Variants in DHX57 observed in about 807,000 individuals in gnomAD.
DHX57 encodes the protein putative ATP-dependent RNA helicase DHX57.
DHX57 carries 105 observed loss-of-function variants against 156.2 expected under a neutral mutation model. The observed-to-expected ratio is 0.67, with a 90% CI of 0.57 to 0.79. The LOEUF (loss-of-function observed/expected upper bound fraction) is 0.79, where lower values mean the gene tolerates loss of function less well. Among genes scored for constraint, DHX57 ranks in the 30% least tolerant of loss-of-function variants. The pLI is 0.00. For missense variants in DHX57, 1,847 were observed against 1,661.9 expected, an observed-to-expected ratio of 1.11 and a Z score of -1.94; for synonymous variants, 704 against 595.6, an observed-to-expected ratio of 1.18 and a Z score of -2.65.
At position 38,798,035 on chromosome 2, in the gene DHX57, C is replaced by T. The variant is rs1364488523; in HGVS notation, c.*264G>A. 2 of 361,636 alleles carry T rather than the reference C, an allele frequency of 5.5e-6. No individual in the cohort carries two copies. The highest frequency in any genetic ancestry group is 1.0e-5 in the Non-Finnish European group (2 of 191,502). The allele number at this position is 361,636 out of a possible 1,614,324, so 22.4% of individuals were successfully genotyped here. A position where few individuals can be genotyped will look rare whatever the true frequency, so the allele number is the denominator to read the frequency against. ...GTTATCAGGTGAACTTAATTCACTC[C>T]AGAACAATCACAGAGACAAAGACAG... On this transcript the variant is annotated 3_prime_UTR_variant, in exon 24 of 24. Coordinates refer to ENST00000457308, the MANE Select transcript of DHX57 (RefSeq NM_198963.3).
At chr2:38,864,022 A>C (rs3112166) in intron 2 of DHX57, among the ~76,000 whole-genome samples, 48,342 of 150,898 alleles carry the variant, frequency 0.32, 8,343 homozygotes, top group Non-Finnish European at 0.39. Context: ...AAAAAAAAAA[A>C]AACAACAAAA....
chr2:38,812,841 CTTGTTTGTTTGT>C (rs71693783), intron 21 of DHX57, among the ~76,000 whole-genome samples: 164 of 132,704 alleles, frequency 1.2e-3, no homozygotes, highest in African/African-American at 4.5e-3. Context: ...CCCTTATTTA[CTTGTTTGTTTGT>C]TTGTTTGTTT....
At chr2:38,866,052 A>G (rs1665053587) in intron 2 of DHX57, among the ~76,000 whole-genome samples, 1 of 149,658 alleles carries the variant, frequency 6.7e-6, no homozygotes, top group Non-Finnish European at 1.5e-5. Context: ...TGGCTAAGCC[A>G]TGATCCTGGT....
intron 13 of DHX57, among the ~76,000 whole-genome samples, chr2:38,836,988 C>T (rs1486684466): frequency 1.3e-5 from 2 of 152,038 alleles, no homozygotes; most frequent in African/African-American, 2.4e-5. Flanking sequence ...GCTGGGACTA[C>T]AGGCATGTGC....
chr2:38,844,006 A>G (rs1387107542), intron 11 of DHX57, among the ~76,000 whole-genome samples: 1 of 152,174 alleles, frequency 6.6e-6, no homozygotes, highest in African/African-American at 2.4e-5. Context: ...ATGATTTCCT[A>G]TAAGATTTCA....
intron 4 of DHX57, 43 bp downstream of exon 4, chr2:38,862,102 C>T: frequency 6.5e-7 from 1 of 1,539,468 alleles, no homozygotes; most frequent in African/African-American, 1.4e-5. Flanking sequence ...TTTCGGTTTC[C>T]TTGAATTCTT....
In DHX57 at chr2:38,798,421, G is replaced by T. The variant is rs771343880; in HGVS notation, c.4039C>A (p.Leu1347Ile). Residue 1347 changes from leucine (L) to isoleucine (I), a missense_variant, in exon 24 of 24, where the codon CTT becomes ATT. Transcript: ENST00000457308. ...AGAAGCTGATCAAGTTCGCAACGAAGCTCCTTTACCAGTTCAGCCACCTAA... is the reference window on the plus strand; with the variant it reads ...AGAAGCTGATCAAGTTCGCAACGAATCTCCTTTACCAGTTCAGCCACCTAA... ...SHQVAELVKE[L>I]RCELDQLLQD... The T allele has an allele frequency of 1.2e-5, 19 of 1,613,552 alleles. No individual in the cohort carries two copies. The East Asian group carries it at 3.6e-4, about 30-fold the overall frequency.
Position 38,868,293 on chromosome 2 carries a change from C to T in DHX57, c.113G>A (p.Gly38Asp). Reference protein sequence around the residue: ...SHASKSHGSGGGGGGGGGGGG... With the variant: ...SHASKSHGSGDGGGGGGGGGG... The stretch of plus-strand genomic sequence containing the variant: ...TCCACCACCACCACCACCGCCACCG[C>T]CACCACTCCCATGAGATTTACTGGC... Residue 38 changes from glycine to aspartate, a missense_variant, in exon 2 of 24, where the codon GGC becomes GAC. Transcript: ENST00000457308. 1 of 1,614,076 alleles carries T rather than the reference C, an allele frequency of 6.2e-7. No individual in the cohort carries two copies.
intron 20 of DHX57, among the ~76,000 whole-genome samples, chr2:38,814,275 C>T (rs1670415179): frequency 6.6e-6 from 1 of 152,010 alleles, no homozygotes; most frequent in Admixed American, 6.6e-5. Flanking sequence ...TAGGATTTAC[C>T]GTTTTATTAT....
At chr2:38,821,657 C>T (rs1670823138) in intron 17 of DHX57, among the ~76,000 whole-genome samples, 1 of 152,146 alleles carries the variant, frequency 6.6e-6, no homozygotes, top group South Asian at 2.1e-4. Context: ...TGCACCATTG[C>T]ACTCCAGCCT....
At position 38,862,337 on chromosome 2, in the gene DHX57, G is replaced by C. The variant is rs750191839; in HGVS notation, c.384-4C>G. On this transcript the variant is annotated splice_region_variant and splice_polypyrimidine_tract_variant and intron_variant, in intron 3 of 23. Coordinates refer to ENST00000457308, the MANE Select transcript of DHX57 (RefSeq NM_198963.3). ...CTCCTCCCCAGAAAGGCCTCTTCTA[G>C]CAAAGGCAACATTTTCATATATTAG... 10 of 1,557,290 alleles carry C rather than the reference G, an allele frequency of 6.4e-6. No homozygotes were observed. The South Asian group carries it at 1.2e-4, about 19-fold the overall frequency.
intron 9 of DHX57, chr2:38,852,947 C>T (rs1672680780): frequency 6.5e-6 from 1 of 154,520 alleles, no homozygotes; most frequent in African/African-American, 2.4e-5. Context: ...ACTGGGCTTC[C>T]TTGTTTCTGG....
chr2:38,848,504 G>GAA (rs951998563), intron 9 of DHX57, 102 bp from the exon 10 acceptor site: 130 of 970,080 alleles, frequency 1.3e-4, no homozygotes, highest in South Asian at 1.9e-4. Flanking sequence ...AGATCTCTGT[G>GAA]AAAAAAAAAA....
intron 19 of DHX57, 35 bp downstream of exon 19, chr2:38,818,842 A>T (rs1311950011): frequency 6.2e-7 from 1 of 1,608,818 alleles, no homozygotes; most frequent in African/African-American, 1.3e-5. Context: ...CTACTCTAAT[A>T]AAAAAATGAA....
Position 38,858,710 on chromosome 2 carries a change from G to A in DHX57, c.1538C>T (p.Ser513Leu), listed in dbSNP as rs767628356. 11 of 1,613,814 alleles carry A rather than the reference G, an allele frequency of 6.8e-6. No individual in the cohort carries two copies. In the Admixed American group the frequency reaches 1.3e-4, roughly 20 times the overall value. ...GATTTTACCATTTTCAGCATGTACT[G>A]ACTTTGCCTGCCAGTCATATCTTTT... ...ISKRYDWQAK[S>L]VHAENGKICK... The change falls in exon 6 of 24, where the codon TCA becomes TTA. Residue 513 changes from serine to leucine, a missense_variant. Physicochemically the swap from Ser to Leu is moderately radical, Grantham distance 145 (BLOSUM62 -2). Transcript: ENST00000457308.
At position 38,847,070 on chromosome 2, in the gene DHX57, C is replaced by T. The variant is rs772689230; in HGVS notation, c.2168G>A (p.Arg723His). The T allele has an allele frequency of 1.5e-5, 24 of 1,612,698 alleles. No homozygotes were observed. Among genetic ancestry groups the T allele is most frequent in the South Asian group, 3.3e-5 (3 of 90,932 alleles). The part of the protein sequence containing the change: ...NSCPVITIPG[R>H]TFPVDQFFLE... ...AAAAAATTGATCAACAGGAAATGTA[C>T]GACCTAGAAAAACAAGGAGACAAAA... Residue 723 changes from arginine (R) to histidine (H), a missense_variant, in exon 11 of 24, where the codon CGT becomes CAT. Arg to His is a conservative substitution (Grantham distance 29, BLOSUM62 0). Coordinates refer to ENST00000457308, the MANE Select transcript of DHX57 (RefSeq NM_198963.3).
At chr2:38,827,485 CA>C (rs1196817843) in intron 14 of DHX57, among the ~76,000 whole-genome samples, 87 of 8,474 alleles carry the variant, frequency 0.01, no homozygotes, top group African/African-American at 0.021. Flanking sequence ...GACTCTGTCT[CA>C]AAAAAAAAAA....
chr2:38,874,685 A>C (rs3112172), intron 1 of DHX57, among the ~76,000 whole-genome samples: 37,523 of 152,062 alleles, frequency 0.25, 5,676 homozygotes, highest in Non-Finnish European at 0.33. Context: ...CTGGGATTAC[A>C]GGCGTGAGCC....
chr2:38,857,968 A>T lies in DHX57; in HGVS notation c.1587+693T>A, dbSNP rs1281447861. 3.3e-5 allele frequency among the ~76,000 whole-genome samples: 5 copies of T among 152,196 alleles called. No homozygotes were observed. In the East Asian group the frequency reaches 9.6e-4, roughly 29 times the overall value. On this transcript the variant is annotated intron_variant, in intron 6 of 23. Transcript: ENST00000457308. ...TGTTTTCCAGGCTGGCATTGTCTCA[A>T]GTGATCCTCCTGCCTCAGCCTTCCA... is the stretch of plus-strand genomic sequence containing the variant.
Sources: allele counts gnomAD v4.1 joint callset (sites outside exome capture counted in the v4.1 genomes callset), GRCh38; gene constraint gnomAD v4.1.1; transcripts MANE v1.5; gene names NCBI Gene and HGNC (gene_info 2026-07-23, HGNC 2026-07-21).